AGBL1: variants seen among roughly 807,000 people sequenced by gnomAD.
The protein encoded by AGBL1 is AGBL carboxypeptidase 1.
A neutral mutation model predicts 118.9 loss-of-function variants in AGBL1; 130 were observed. The ratio of observed to expected loss-of-function variants is 1.09; its 90% CI spans 0.95 to 1.26. The LOEUF is 1.26. Ranked by LOEUF, AGBL1 falls within the 50% of genes most tolerant of loss-of-function variation. The probability of loss-of-function intolerance (pLI) is 0.00; values close to 1 mark genes in which losing one functional copy is unlikely to be tolerated. For missense variants in AGBL1, 1,584 were observed against 1,298.1 expected, an observed-to-expected ratio of 1.22 and a Z score of -3.38; for synonymous variants, 555 against 478.9, an observed-to-expected ratio of 1.16 and a Z score of -2.08.
intron 17 of AGBL1, among the ~76,000 whole-genome samples, chr15:86,305,452 TAAAGAA>T (rs976332610): frequency 1.3e-5 from 2 of 152,176 alleles, no homozygotes; most frequent in African/African-American, 4.8e-5. Context: ...TTGTATTTCT[TAAAGAA>T]AAAGAGTTCT....
intron 21 of AGBL1, among the ~76,000 whole-genome samples, chr15:86,664,968 A>G (rs2447253): frequency 0.85 from 128,438 of 151,990 alleles, 54,867 homozygotes; most frequent in East Asian, 0.92. Flanking sequence ...TAAGGAAAAC[A>G]CACAAAGAAA....
At chr15:86,154,282 T>C (rs1486816818) in intron 3 of AGBL1, 148 bp from the exon 4 acceptor site, 3 of 818,138 alleles carry the variant, frequency 3.7e-6, no homozygotes, top group Non-Finnish European at 3.7e-6. Flanking sequence ...TGGGGACATA[T>C]TTAGCAGCAT....
At chr15:87,030,952 T>C (rs1364354274), downstream of AGBL1, among the ~76,000 whole-genome samples, 2 of 151,988 alleles carry the variant, frequency 1.3e-5, no homozygotes, top group Admixed American at 1.3e-4. Flanking sequence ...CAGGTCCTGA[T>C]ATTTCCGATA....
At chr15:86,199,864 A>T (rs2077875487) in intron 5 of AGBL1, among the ~76,000 whole-genome samples, 1 of 152,220 alleles carries the variant, frequency 6.6e-6, no homozygotes, top group African/African-American at 2.4e-5. Flanking sequence ...AGTGACAAAA[A>T]GTCACCTTAG....
At chr15:86,468,164 C>G (rs532231021) in intron 18 of AGBL1, among the ~76,000 whole-genome samples, 1 of 152,166 alleles carries the variant, frequency 6.6e-6, no homozygotes, top group South Asian at 2.1e-4. Context: ...ACACTAAGGC[C>G]TTGAAGAAAA....
At chr15:86,867,371 A>T (rs1250884969) in intron 22 of AGBL1, among the ~76,000 whole-genome samples, 3 of 152,184 alleles carry the variant, frequency 2.0e-5, no homozygotes, top group African/African-American at 4.8e-5. Context: ...AAATCAACTC[A>T]CCTACTAGGT....
chr15:86,321,283 T>C (rs1597727508), intron 17 of AGBL1, among the ~76,000 whole-genome samples: 1 of 152,314 alleles, frequency 6.6e-6, no homozygotes, highest in East Asian at 1.9e-4. Context: ...ATTGATTAAA[T>C]AATATTTTCT....
At chr15:86,189,043 C>T (rs114793117) in intron 5 of AGBL1, among the ~76,000 whole-genome samples, 10 of 152,238 alleles carry the variant, frequency 6.6e-5, no homozygotes, top group African/African-American at 2.4e-4. Context: ...GGAAATAAGA[C>T]AGCTTCAGAA....
chr15:86,633,045 ATTC>A (rs1201146131), intron 21 of AGBL1, among the ~76,000 whole-genome samples: 1 of 151,920 alleles, frequency 6.6e-6, no homozygotes, highest in African/African-American at 2.4e-5. Context: ...GACATAAGCC[ATTC>A]TTTATATGAT....
intron 18 of AGBL1, among the ~76,000 whole-genome samples, chr15:86,416,922 C>A (rs1291990736): frequency 6.6e-6 from 1 of 152,182 alleles, no homozygotes; most frequent in Non-Finnish European, 1.5e-5. Flanking sequence ...CTCTTCCATT[C>A]CAGTGATATG....
chr15:86,984,833 A>G (rs2081265697), intron 23 of AGBL1, among the ~76,000 whole-genome samples: 1 of 152,204 alleles, frequency 6.6e-6, no homozygotes, highest in Non-Finnish European at 1.5e-5. Context: ...GAGTTTTGAC[A>G]GACACATACA....
At chr15:86,114,181 T>C (rs754732952) in intron 1 of AGBL1, among the ~76,000 whole-genome samples, 2 of 152,244 alleles carry the variant, frequency 1.3e-5, no homozygotes, top group African/African-American at 2.4e-5. Context: ...ACTCTTTATA[T>C]ATAACATGTT....
intron 22 of AGBL1, among the ~76,000 whole-genome samples, chr15:86,711,165 C>T (rs2086549609): frequency 6.6e-6 from 1 of 152,078 alleles, no homozygotes; most frequent in Non-Finnish European, 1.5e-5. Flanking sequence ...GCCGTTGGTA[C>T]CTTATATATG....
At chr15:86,431,423 C>G (rs1475154246) in intron 18 of AGBL1, among the ~76,000 whole-genome samples, 2 of 152,194 alleles carry the variant, frequency 1.3e-5, no homozygotes, top group South Asian at 4.1e-4. Flanking sequence ...AATATGGTGT[C>G]CACAAAAGTG....
chr15:86,288,237 G>A (rs1416428517), intron 16 of AGBL1, among the ~76,000 whole-genome samples: 1 of 152,100 alleles, frequency 6.6e-6, no homozygotes, highest in Non-Finnish European at 1.5e-5. Flanking sequence ...ATTTGTTTAT[G>A]ATCACAGAGA....
rs78397235 is a variant in AGBL1 at position 86,999,207 on chromosome 15, A to G, written c.3323+11119A>G. 3.0e-3 allele frequency among the ~76,000 whole-genome samples: 445 copies of G among 148,658 alleles called. 6 individuals are homozygous for G. The highest frequency in any genetic ancestry group is 0.01 in the African/African-American group (413 of 39,366). ...ACTCATCATTTTTTTAATATAAAAT[A>G]TAAAATTTTTATATATATATTTTTT... is the stretch of plus-strand genomic sequence containing the variant. On this transcript the variant is annotated intron_variant, in intron 24 of 24. Transcript: ENST00000441037.
At chr15:86,680,548 C>A (rs1338835213) in intron 22 of AGBL1, among the ~76,000 whole-genome samples, 1 of 127,016 alleles carries the variant, frequency 7.9e-6, no homozygotes, top group African/African-American at 2.9e-5. Flanking sequence ...TTTCTTTTTT[C>A]TTTCTTTCTT....
intron 16 of AGBL1, among the ~76,000 whole-genome samples, chr15:86,284,027 A>G (rs923447554): frequency 3.3e-5 from 5 of 152,042 alleles, no homozygotes; most frequent in Non-Finnish European, 7.4e-5. Flanking sequence ...TTCGAAGATT[A>G]AATAATTGCT....
At chr15:86,546,745 T>C (rs867100562) in intron 20 of AGBL1, among the ~76,000 whole-genome samples, 1 of 152,090 alleles carries the variant, frequency 6.6e-6, no homozygotes, top group East Asian at 1.9e-4. Context: ...TGAAACCACA[T>C]AGGAAATTAG....
Sources: allele counts gnomAD v4.1 joint callset (sites outside exome capture counted in the v4.1 genomes callset), GRCh38; gene constraint gnomAD v4.1.1; transcripts MANE v1.5; gene names NCBI Gene and HGNC (gene_info 2026-07-23, HGNC 2026-07-21).